The following SV2C variants were observed in gnomAD, a reference collection of about 807,000 sequenced individuals.
The protein encoded by SV2C is synaptic vesicle glycoprotein 2C.
SV2C carries 49 observed loss-of-function variants against 79.7 expected under a neutral mutation model. The observed-to-expected ratio is 0.61, with a 90% CI of 0.49 to 0.78. The LOEUF is 0.78. Among genes scored for constraint, SV2C ranks in the 30% least tolerant of loss-of-function variants. The pLI, the probability that SV2C is intolerant of heterozygous loss-of-function variation, is 0.00. For missense variants in SV2C, 833 were observed against 912.9 expected (o/e 0.91, Z 1.13); for synonymous variants, 334 against 333.2 (o/e 1.00, Z -0.03).
chr5:75,974,780 T>A, the SV2C span, among the ~76,000 whole-genome samples: 1 of 152,198 alleles, frequency 6.6e-6, no homozygotes, highest in Non-Finnish European at 1.5e-5. Flanking sequence ...CGTATAGGGT[T>A]AAAAATGTAA....
chr5:75,952,555 G>A, the SV2C span, among the ~76,000 whole-genome samples: 1 of 151,796 alleles, frequency 6.6e-6, no homozygotes, highest in South Asian at 2.1e-4. Flanking sequence ...ATGGCTTAGT[G>A]CCATCCCCTT....
chr5:76,001,222 T>A, the SV2C span, among the ~76,000 whole-genome samples: 1 of 151,980 alleles, frequency 6.6e-6, no homozygotes, highest in Non-Finnish European at 1.5e-5. Flanking sequence ...AGGAAGAGGG[T>A]CTGGGGGCTG....
chr5:75,954,458 G>A, the SV2C span, among the ~76,000 whole-genome samples: 2 of 151,938 alleles, frequency 1.3e-5, no homozygotes, highest in Non-Finnish European at 2.9e-5. Context: ...GCAAAAACTG[G>A]AAGCATTCCC....
intron 2 of SV2C, among the ~76,000 whole-genome samples, chr5:76,182,916 A>AGT (rs1338427060): frequency 7.5e-6 from 1 of 132,656 alleles, no homozygotes; most frequent in Non-Finnish European, 1.6e-5. Flanking sequence ...ATTGAGAGAG[A>AGT]GAGTGTGTGT....
At chr5:75,956,597 C>T in the SV2C span, among the ~76,000 whole-genome samples, 4 of 151,854 alleles carry the variant, frequency 2.6e-5, no homozygotes, top group South Asian at 2.1e-4. Context: ...GAGGGTAGCT[C>T]GGGTTGAAAA....
intron 1 of SV2C, among the ~76,000 whole-genome samples, chr5:76,089,113 A>G (rs1032098236): frequency 5.3e-5 from 8 of 152,186 alleles, no homozygotes; most frequent in Non-Finnish European, 1.0e-4. Context: ...TGCTGCACCT[A>G]TCAACCCATC....
intron 2 of SV2C, among the ~76,000 whole-genome samples, chr5:76,176,212 G>A (rs1297852905): frequency 2.6e-5 from 4 of 152,162 alleles, no homozygotes; most frequent in African/African-American, 9.7e-5. Flanking sequence ...GATTACCGAT[G>A]GGGAAAATAG....
intron 4 of SV2C, among the ~76,000 whole-genome samples, chr5:76,268,399 A>G (rs1424657468): frequency 6.6e-6 from 1 of 152,092 alleles, no homozygotes; most frequent in Non-Finnish European, 1.5e-5. Context: ...GCTTCGAGAG[A>G]CCTGAAGAGA....
At chr5:75,853,555 C>CAA in the SV2C span, among the ~76,000 whole-genome samples, 442 of 28,990 alleles carry the variant, frequency 0.015, 9 homozygotes, top group African/African-American at 0.047. Flanking sequence ...GACTCCTTCT[C>CAA]AAAAAAAAAA....
chr5:75,911,950 A>G, the SV2C span: 3,036 of 381,374 alleles, frequency 8.0e-3, 67 homozygotes, highest in African/African-American at 0.055. Flanking sequence ...TCAGAGAGAT[A>G]TAAGAGCCAG....
intron 1 of SV2C, among the ~76,000 whole-genome samples, chr5:76,106,987 G>A (rs1017213011): frequency 5.3e-5 from 8 of 152,088 alleles, no homozygotes; most frequent in East Asian, 1.9e-4. Flanking sequence ...TTTATATCTC[G>A]TGAGTGTTAA....
At chr5:75,987,772 A>G in the SV2C span, among the ~76,000 whole-genome samples, 32 of 152,158 alleles carry the variant, frequency 2.1e-4, no homozygotes, top group African/African-American at 7.0e-4. Context: ...AAAGCATAAA[A>G]ATAAAGCAAT....
the SV2C span, among the ~76,000 whole-genome samples, chr5:76,027,059 CTTTTT>C: frequency 8.2e-6 from 1 of 122,212 alleles, no homozygotes; most frequent in Non-Finnish European, 1.7e-5. Context: ...TTTCAGTTGT[CTTTTT>C]TTTTTTTTTT....
intron 8 of SV2C, among the ~76,000 whole-genome samples, chr5:76,292,723 T>C (rs1747606828): frequency 6.6e-6 from 1 of 152,226 alleles, no homozygotes; most frequent in African/African-American, 2.4e-5. Context: ...AGCAGCTCAA[T>C]AAATAGTTGT....
chr5:76,239,419 A>G (rs1264663830), intron 4 of SV2C, among the ~76,000 whole-genome samples: 1 of 152,228 alleles, frequency 6.6e-6, no homozygotes, highest in Non-Finnish European at 1.5e-5. Flanking sequence ...GCTTAAAACA[A>G]TAACCATTTA....
intron 2 of SV2C, chr5:76,174,060 C>T (rs62622369): frequency 0.13 from 199,601 of 1,578,620 alleles, 13,618 homozygotes; most frequent in Non-Finnish European, 0.14. Flanking sequence ...TCAACTTGCT[C>T]TCTATAAGAA....
chr5:76,281,796 C>T (rs1747205099), intron 4 of SV2C, among the ~76,000 whole-genome samples: 1 of 152,216 alleles, frequency 6.6e-6, no homozygotes, highest in African/African-American at 2.4e-5. Flanking sequence ...AACCCATCTC[C>T]CTTTCTCATT....
At chr5:76,197,745 G>A (rs1286699603) in intron 3 of SV2C, among the ~76,000 whole-genome samples, 1 of 151,790 alleles carries the variant, frequency 6.6e-6, no homozygotes, top group Non-Finnish European at 1.5e-5. Context: ...TATGAGACAG[G>A]ACTAATTAAG....
chr5:76,171,437 G>A (rs60088039), intron 2 of SV2C, among the ~76,000 whole-genome samples: 43,265 of 80,940 alleles, frequency 0.53, 11,714 homozygotes, highest in East Asian at 0.85. Flanking sequence ...CCGAGACCCC[G>A]TCTGGGAGGT....
Sources: gnomAD v4.1 joint callset for allele counts (sites outside exome capture counted in the v4.1 genomes callset) on GRCh38, gnomAD v4.1.1 for gene constraint, MANE v1.5 for transcripts, NCBI Gene and HGNC (gene_info 2026-07-23, HGNC 2026-07-21) for gene names.